Variants in LYPLAL1 observed in about 807,000 individuals in gnomAD.
LYPLAL1 encodes lysophospholipase like 1.
In LYPLAL1, 23 loss-of-function variants were observed where a neutral mutation model predicts 19.7. The ratio of observed to expected loss-of-function variants is 1.17; its 90% CI spans 0.84 to 1.65. The LOEUF (loss-of-function observed/expected upper bound fraction) is 1.65. Ranked by LOEUF, LYPLAL1 falls within the 40% of genes most tolerant of loss-of-function variation. The pLI is 0.00. For synonymous variants in LYPLAL1, 119 were observed against 96.3 expected (o/e 1.24, Z -1.38); for missense variants, 355 against 279.4 (o/e 1.27, Z -1.93).
chr1:219,184,142 A>C (rs563517567), intron 2 of LYPLAL1, among the ~76,000 whole-genome samples: 4 of 151,902 alleles, frequency 2.6e-5, no homozygotes, highest in Admixed American at 6.6e-5. Flanking sequence ...TTTGATTTAG[A>C]GAAAATAGAT....
At chr1:219,216,453 G>A (rs1659292846), downstream of LYPLAL1, among the ~76,000 whole-genome samples, 2 of 152,020 alleles carry the variant, frequency 1.3e-5, no homozygotes, top group South Asian at 4.2e-4. Context: ...CTTCCTGGTG[G>A]TAGCAGAGCA....
chr1:219,282,044 A>G, the LYPLAL1 span, among the ~76,000 whole-genome samples: 1 of 152,030 alleles, frequency 6.6e-6, no homozygotes, highest in African/African-American at 2.4e-5. Flanking sequence ...AACCCCATAA[A>G]ACAAACAAAC....
intron 2 of LYPLAL1, among the ~76,000 whole-genome samples, chr1:219,184,437 G>A (rs150879951): frequency 2.6e-5 from 4 of 151,762 alleles, no homozygotes; most frequent in East Asian, 1.9e-4. Context: ...TATGAATTTC[G>A]TGTGTGCATT....
chr1:219,437,913 C>T, the LYPLAL1 span, among the ~76,000 whole-genome samples: 1 of 151,840 alleles, frequency 6.6e-6, no homozygotes, highest in Non-Finnish European at 1.5e-5. Flanking sequence ...ATTACAGGCG[C>T]CCACCACCAC....
chr1:219,189,169 T>C (rs1328085186), intron 2 of LYPLAL1, among the ~76,000 whole-genome samples: 1 of 151,664 alleles, frequency 6.6e-6, no homozygotes, highest in Non-Finnish European at 1.5e-5. Flanking sequence ...CTTTTTTCCA[T>C]TAATGGCTGA....
intron 3 of LYPLAL1, among the ~76,000 whole-genome samples, chr1:219,204,584 T>G (rs576975384): frequency 6.6e-6 from 1 of 152,342 alleles, no homozygotes; most frequent in East Asian, 1.9e-4. Context: ...CACTGGATAG[T>G]TTTAAAATTG....
rs981369219 is a variant in LYPLAL1 at position 219,193,393 on chromosome 1, G to T, written c.361+142G>T. On this transcript the variant is annotated intron_variant, in intron 3 of 4. Transcript: ENST00000366928. ...TTTCAGATAAACTTTACATATTGAG[G>T]ATTTCAAAGATATTAGAATTATAAA... The T allele has an allele frequency of 2.1e-5, 10 of 486,446 alleles. No homozygotes were observed. The East Asian group carries it at 3.3e-4, about 16-fold the overall frequency. The allele number at this position is 486,446 out of a possible 1,614,324, so 30.1% of individuals were successfully genotyped here. A position where few individuals can be genotyped will look rare whatever the true frequency, so the allele number is the denominator to read the frequency against.
At chr1:219,223,130 G>A in the LYPLAL1 span, 1 of 151,858 alleles carries the variant, frequency 6.6e-6, no homozygotes, top group African/African-American at 2.4e-5. Context: ...CAGAATGAAT[G>A]TTAATACTAG....
At chr1:219,221,022 C>T in the LYPLAL1 span, among the ~76,000 whole-genome samples, 1 of 152,156 alleles carries the variant, frequency 6.6e-6, no homozygotes, top group Non-Finnish European at 1.5e-5. Context: ...ATGACCCATG[C>T]TGTGTGGCTG....
At chr1:219,281,175 T>A in the LYPLAL1 span, among the ~76,000 whole-genome samples, 18 of 152,322 alleles carry the variant, frequency 1.2e-4, no homozygotes, top group African/African-American at 3.6e-4. Flanking sequence ...CTTGGCAGTT[T>A]GATTCATAGA....
At chr1:219,314,640 T>C in the LYPLAL1 span, among the ~76,000 whole-genome samples, 1 of 152,148 alleles carries the variant, frequency 6.6e-6, no homozygotes, top group African/African-American at 2.4e-5. Context: ...GAGACGGGGT[T>C]TCACCGTGGT....
the LYPLAL1 span, among the ~76,000 whole-genome samples, chr1:219,371,619 CTTACTCTTGTGCCA>C: frequency 2.0e-5 from 3 of 152,208 alleles, no homozygotes; most frequent in African/African-American, 7.2e-5. Context: ...CAGACTGTAA[CTTACTCTTGTGCCA>C]ATCACCGAGT....
At chr1:219,216,839 C>T (rs557466604), downstream of LYPLAL1, among the ~76,000 whole-genome samples, 10 of 141,586 alleles carry the variant, frequency 7.1e-5, no homozygotes, top group South Asian at 2.1e-4. Flanking sequence ...GACAGTAAGC[C>T]GGGGCAGTCC....
chr1:219,289,655 C>G, the LYPLAL1 span, among the ~76,000 whole-genome samples: 1 of 152,160 alleles, frequency 6.6e-6, no homozygotes, highest in Non-Finnish European at 1.5e-5. Context: ...GTCTTTTCAC[C>G]CACATTCTGT....
At chr1:219,320,920 T>C in the LYPLAL1 span, among the ~76,000 whole-genome samples, 1 of 152,228 alleles carries the variant, frequency 6.6e-6, no homozygotes, top group Non-Finnish European at 1.5e-5. Context: ...TGTGTCTTTA[T>C]AGCAGCATGA....
At chr1:219,366,627 T>C in the LYPLAL1 span, among the ~76,000 whole-genome samples, 1 of 152,210 alleles carries the variant, frequency 6.6e-6, no homozygotes, top group African/African-American at 2.4e-5. Flanking sequence ...AAGCTTTAGC[T>C]GTGAAAACGT....
chr1:219,326,357 G>T, the LYPLAL1 span, among the ~76,000 whole-genome samples: 4 of 152,096 alleles, frequency 2.6e-5, no homozygotes, highest in Admixed American at 6.5e-5. Flanking sequence ...ACAGCCACAA[G>T]AATTTTCTTA....
At chr1:219,327,387 T>G in the LYPLAL1 span, among the ~76,000 whole-genome samples, 1 of 151,998 alleles carries the variant, frequency 6.6e-6, no homozygotes, top group African/African-American at 2.4e-5. Context: ...ACTAGGCAAA[T>G]GAAGACAAGA....
chr1:219,375,830 C>T, the LYPLAL1 span, among the ~76,000 whole-genome samples: 5 of 151,372 alleles, frequency 3.3e-5, no homozygotes, highest in Non-Finnish European at 7.4e-5. Context: ...CAAGCTCCAC[C>T]TCCCGGGTTC....
Sources: allele counts gnomAD v4.1 joint callset (sites outside exome capture counted in the v4.1 genomes callset), GRCh38; gene constraint gnomAD v4.1.1; transcripts MANE v1.5; gene names NCBI Gene and HGNC (gene_info 2026-07-23, HGNC 2026-07-21).